Variants in MYBL2 observed in about 807,000 individuals in gnomAD.
MYBL2 encodes myb-related protein B.
In MYBL2, 28 loss-of-function variants were observed where a neutral mutation model predicts 79.9. The observed-to-expected ratio is 0.35, with a 90% confidence interval of 0.26 to 0.48. The LOEUF is 0.48. MYBL2 is among the 20% of genes least tolerant of loss of function. The pLI is 0.99. For missense variants in MYBL2, 735 were observed against 893.9 expected, an observed-to-expected ratio of 0.82 and a Z score of 2.27; for synonymous variants, 378 against 361.2, an observed-to-expected ratio of 1.05 and a Z score of -0.53.
At chr20:43,674,895 T>C (rs547496194) in intron 2 of MYBL2, among the ~76,000 whole-genome samples, 1 of 152,340 alleles carries the variant, frequency 6.6e-6, no homozygotes, top group South Asian at 2.1e-4. Context: ...AAGCCCTGAA[T>C]TGGTTTCCTT....
chr20:43,698,270 G>A (rs934715087), intron 6 of MYBL2, among the ~76,000 whole-genome samples: 4 of 149,892 alleles, frequency 2.7e-5, no homozygotes, highest in South Asian at 4.2e-4. Context: ...GGCTGGTCTC[G>A]AACTCCTGGG....
At chr20:43,690,772 TG>T (rs1177043688) in intron 5 of MYBL2, among the ~76,000 whole-genome samples, 2 of 151,108 alleles carry the variant, frequency 1.3e-5, no homozygotes, top group African/African-American at 4.9e-5. Context: ...TTAGTAGAGA[TG>T]GGGTTTCACT....
chr20:43,669,250 C>A (rs760515087), intron 1 of MYBL2, among the ~76,000 whole-genome samples: 4 of 152,144 alleles, frequency 2.6e-5, no homozygotes, highest in African/African-American at 4.8e-5. Flanking sequence ...GATTCTCCCC[C>A]ACTTGGCCTC....
At chr20:43,690,192 GTTTT>G (rs59061107) in intron 5 of MYBL2, among the ~76,000 whole-genome samples, 1 of 142,770 alleles carries the variant, frequency 7.0e-6, no homozygotes, top group Non-Finnish European at 1.5e-5. Flanking sequence ...GCTGTTTTTT[GTTTT>G]TTTTTTTTTG....
chr20:43,697,031 T>G (rs1363029927), intron 6 of MYBL2, among the ~76,000 whole-genome samples: 1 of 152,174 alleles, frequency 6.6e-6, no homozygotes, highest in Non-Finnish European at 1.5e-5. Context: ...GGCCGGTTGA[T>G]TTTATAGATG....
rs1391430884 is a variant in MYBL2, at chr20:43,667,147, C to A, written c.-137C>A. On this transcript the variant is annotated 5_prime_UTR_variant, in exon 1 of 14. The change creates a new upstream start codon in the 5' untranslated region. Transcript: ENST00000217026. Reference sequence around the variant, plus strand: ...TTCCTGCGAGCGAGGAGCGCGGGACCTGCTGACACGCTGACGCCTTCGAGC... The same window carrying A: ...TTCCTGCGAGCGAGGAGCGCGGGACATGCTGACACGCTGACGCCTTCGAGC... The A allele has an allele frequency of 2.5e-6, 1 of 401,240 alleles. No individual in the cohort carries two copies. Among genetic ancestry groups the A allele is most frequent in the Admixed American group, 5.2e-5 (1 of 19,252 alleles). The allele number at this position is 401,240 out of a possible 1,614,324, so 24.9% of individuals were successfully genotyped here. A position where few individuals can be genotyped will look rare whatever the true frequency, so the allele number is the denominator to read the frequency against.
intron 2 of MYBL2, 79 bp downstream of exon 2, chr20:43,673,978 C>G (rs911046489): frequency 3.2e-6 from 4 of 1,238,418 alleles, no homozygotes; most frequent in African/African-American, 1.5e-5. Flanking sequence ...TATTTGATGT[C>G]TCATCAGATG....
chr20:43,685,808 C>G (rs1162709491), intron 4 of MYBL2, among the ~76,000 whole-genome samples: 1 of 151,600 alleles, frequency 6.6e-6, no homozygotes, highest in African/African-American at 2.4e-5. Context: ...GAGGCCAAGT[C>G]GGGCGGATCA....
chr20:43,703,274 C>G (rs1987712990), intron 8 of MYBL2, among the ~76,000 whole-genome samples: 1 of 152,170 alleles, frequency 6.6e-6, no homozygotes, highest in African/African-American at 2.4e-5. Flanking sequence ...TGGGTTGTCT[C>G]CAGCACTGGC....
chr20:43,709,943 C>G lies in MYBL2; in HGVS notation c.1506-20C>G. On this transcript the variant is annotated intron_variant, in intron 9 of 13. Transcript: ENST00000217026. ...CGGCCCCTATCCTGTCACTAGTTCC[C>G]CCGTTCTGGCCCCTGGCAGGTTTGT... is the stretch of plus-strand genomic sequence containing the variant. 6.3e-7 allele frequency: 1 copy of G among 1,581,162 alleles called. No individual in the cohort carries two copies. The highest frequency in any genetic ancestry group is 8.6e-7 in the Non-Finnish European group (1 of 1,158,280).
At chr20:43,699,424 T>C (rs569721406) in intron 6 of MYBL2, among the ~76,000 whole-genome samples, 38 of 152,306 alleles carry the variant, frequency 2.5e-4, no homozygotes, top group African/African-American at 8.7e-4. Flanking sequence ...GGCCATTTGC[T>C]TACATAACCA....
intron 9 of MYBL2, among the ~76,000 whole-genome samples, chr20:43,706,715 AAAAG>A (rs1292767161): frequency 9.0e-5 from 1 of 11,054 alleles, no homozygotes; most frequent in Non-Finnish European, 1.9e-4. Context: ...CAAAAAAAAA[AAAAG>A]TTTTTTTTTT....
chr20:43,678,882 A>C (rs1463649621), intron 2 of MYBL2, among the ~76,000 whole-genome samples: 1 of 145,598 alleles, frequency 6.9e-6, no homozygotes, highest in Non-Finnish European at 1.5e-5. Flanking sequence ...AAAGAAAAAA[A>C]CATATAGAGC....
At chr20:43,682,757 T>G in intron 3 of MYBL2, 37 bp from the exon 4 acceptor site, 1 of 1,603,360 alleles carries the variant, frequency 6.2e-7, no homozygotes, top group Non-Finnish European at 8.5e-7. Flanking sequence ...TCCCAGAAGT[T>G]CTCACAGATT....
intron 2 of MYBL2, among the ~76,000 whole-genome samples, chr20:43,678,379 C>A (rs1435393568): frequency 6.6e-6 from 1 of 151,500 alleles, no homozygotes; most frequent in African/African-American, 2.4e-5. Context: ...TCCTCGAGGG[C>A]CTTGAATGTT....
At position 43,712,865 on chromosome 20, in the gene MYBL2, C is replaced by T. The variant is rs896946629; in HGVS notation, c.1720-137C>T. ...CCCCATTCTTCTGACAGCAGATTCC[C>T]ACTAGCTGGGCCTTGCTCCAAGTCT... On this transcript the variant is annotated intron_variant, in intron 11 of 13. Coordinates refer to ENST00000217026, the MANE Select transcript of MYBL2 (RefSeq NM_002466.4). The T allele has an allele frequency of 6.0e-6, 4 of 665,112 alleles. No homozygotes were observed. The Admixed American group carries it at 1.0e-4, about 17-fold the overall frequency. The allele number at this position is 665,112 out of a possible 1,614,324, so 41.2% of individuals were successfully genotyped here.
intron 12 of MYBL2, among the ~76,000 whole-genome samples, chr20:43,714,581 AT>A (rs111908210): frequency 9.7e-4 from 142 of 147,104 alleles, no homozygotes; most frequent in African/African-American, 1.7e-3. Flanking sequence ...TGATTACTTG[AT>A]TTTTTTTTTT....
chr20:43,684,323 C>T (rs1230097023), intron 4 of MYBL2, among the ~76,000 whole-genome samples: 5 of 151,442 alleles, frequency 3.3e-5, no homozygotes, highest in Non-Finnish European at 5.9e-5. Flanking sequence ...CTGCAACCTT[C>T]GCCTCCTGGG....
At chr20:43,672,851 T>G (rs952573871) in intron 1 of MYBL2, among the ~76,000 whole-genome samples, 8 of 152,340 alleles carry the variant, frequency 5.3e-5, no homozygotes, top group Middle Eastern at 3.4e-3. Context: ...TTCATCAACT[T>G]TATTCCTTAA....
Sources: allele counts gnomAD v4.1 joint callset (sites outside exome capture counted in the v4.1 genomes callset), GRCh38; gene constraint gnomAD v4.1.1; transcripts MANE v1.5; gene names NCBI Gene and HGNC (gene_info 2026-07-23, HGNC 2026-07-21).